Variants in TSPAN14 observed in about 807,000 individuals in gnomAD.
TSPAN14 encodes the protein tetraspanin-14.
TSPAN14 carries 16 observed loss-of-function variants against 36.6 expected under a neutral mutation model. The observed-to-expected ratio is 0.44, with a 90% CI of 0.30 to 0.66. The LOEUF (loss-of-function observed/expected upper bound fraction) is 0.66, where lower values mean the gene tolerates loss of function less well. Ranked by LOEUF, TSPAN14 falls within the 30% of genes least tolerant of loss-of-function variation. The pLI is 0.12. For synonymous variants in TSPAN14, 139 were observed against 143.8 expected, an observed-to-expected ratio of 0.97 and a Z score of 0.24; for missense variants, 231 against 355.1, an observed-to-expected ratio of 0.65 and a Z score of 2.81.
intron 5 of TSPAN14, among the ~76,000 whole-genome samples, chr10:80,510,163 A>G (rs954745272): frequency 1.1e-4 from 16 of 152,252 alleles, no homozygotes; most frequent in African/African-American, 3.4e-4. Context: ...TGTGCAATGC[A>G]AGGCTCTTGT....
intron 1 of TSPAN14, among the ~76,000 whole-genome samples, chr10:80,488,774 G>A (rs552777720): frequency 3.3e-5 from 5 of 152,330 alleles, no homozygotes; most frequent in African/African-American, 1.2e-4. Context: ...CTGGTGGGTG[G>A]AAAGAACGTG....
At chr10:80,479,233 T>G (rs1180191285) in intron 1 of TSPAN14, among the ~76,000 whole-genome samples, 1 of 151,354 alleles carries the variant, frequency 6.6e-6, no homozygotes, top group Non-Finnish European at 1.5e-5. Flanking sequence ...TTTCTCCCAT[T>G]TTGTAGGTTG....
At chr10:80,481,728 C>T (rs571693653) in intron 1 of TSPAN14, among the ~76,000 whole-genome samples, 8 of 152,280 alleles carry the variant, frequency 5.3e-5, no homozygotes, top group African/African-American at 1.9e-4. Context: ...TGGGTTCAAG[C>T]GATTCTCCTG....
chr10:80,467,248 G>C (rs1470800824), intron 1 of TSPAN14, among the ~76,000 whole-genome samples: 4 of 152,174 alleles, frequency 2.6e-5, no homozygotes, highest in Non-Finnish European at 5.9e-5. Context: ...GTGGCCAAGA[G>C]CTGTTTTTCA....
exon 9 of TSPAN14, chr10:80,520,726 T>G (rs1257860024): frequency 1.9e-6 from 1 of 533,478 alleles, no homozygotes; most frequent in South Asian, 1.4e-5. Flanking sequence ...GCTTCTTATC[T>G]GGGCTGTCTG....
At chr10:80,520,679 C>G (rs550170386) in exon 9 of TSPAN14, 1 of 533,448 alleles carries the variant, frequency 1.9e-6, no homozygotes, top group South Asian at 1.4e-5. Context: ...AAAAACTTGC[C>G]GAGGCCCTAT....
intron 1 of TSPAN14, among the ~76,000 whole-genome samples, chr10:80,463,507 CT>C (rs1291147138): frequency 1.3e-5 from 2 of 152,196 alleles, no homozygotes; most frequent in African/African-American, 4.8e-5. Context: ...CTGTTTTGCA[CT>C]TCCTGATTTT....
At chr10:80,487,126 G>A (rs780807236) in intron 1 of TSPAN14, among the ~76,000 whole-genome samples, 1 of 152,206 alleles carries the variant, frequency 6.6e-6, no homozygotes, top group African/African-American at 2.4e-5. Context: ...AAACAAGCTG[G>A]TGAATGCTAG....
chr10:80,516,618 A>C (rs906967472), intron 8 of TSPAN14, among the ~76,000 whole-genome samples: 3 of 152,150 alleles, frequency 2.0e-5, no homozygotes, highest in Non-Finnish European at 4.4e-5. Flanking sequence ...CAGAGGGCCC[A>C]ATGGGCTGCA....
At chr10:80,462,348 A>ATGGGG (rs1554855996) in intron 1 of TSPAN14, among the ~76,000 whole-genome samples, 6,937 of 85,438 alleles carry the variant, frequency 0.081, 773 homozygotes, top group African/African-American at 0.28. Context: ...GGGCGTAGGA[A>ATGGGG]TGGGGTGGGA....
At chr10:80,513,918 G>A in intron 6 of TSPAN14, 101 bp from the exon 7 acceptor site, 1 of 976,752 alleles carries the variant, frequency 1.0e-6, no homozygotes, top group Non-Finnish European at 1.6e-6. Flanking sequence ...AATGGAATTT[G>A]CACAAATGTT....
chr10:80,454,944 G>A (rs972880489), intron 1 of TSPAN14, among the ~76,000 whole-genome samples: 1 of 152,224 alleles, frequency 6.6e-6, no homozygotes, highest in Non-Finnish European at 1.5e-5. Flanking sequence ...ACTCTGCCCG[G>A]CTTGGGTTTG....
chr10:80,513,186 G>T (rs912415794), intron 6 of TSPAN14, among the ~76,000 whole-genome samples: 1 of 152,110 alleles, frequency 6.6e-6, no homozygotes, highest in African/African-American at 2.4e-5. Context: ...GGTGTGGGCC[G>T]CTGTGCCTGT....
Position 80,479,112 on chromosome 10 carries a change from G to A in TSPAN14, c.-17-10105G>A, listed in dbSNP as rs1204461812. ...CTTCTTTTGAGAAGTGTCTGTTCAT[G>A]TCCTTGGCCCACTTTTTGATGGGGT... On this transcript the variant is annotated intron_variant, in intron 1 of 8. Transcript: ENST00000429989. Among the ~76,000 whole-genome samples the A allele has an allele frequency of 2.2e-4, 33 of 152,172 alleles. 1 individual carries two copies. Among genetic ancestry groups the A allele is most frequent in the Admixed American group, 2.2e-3 (33 of 15,270 alleles).
At chr10:80,481,702 C>T (rs761307733) in intron 1 of TSPAN14, among the ~76,000 whole-genome samples, 1 of 152,156 alleles carries the variant, frequency 6.6e-6, no homozygotes, top group Non-Finnish European at 1.5e-5. Context: ...CTCGGCTCAC[C>T]GTAACCTCCG....
chr10:80,512,308 T>G, intron 6 of TSPAN14, 39 bp downstream of exon 6: 1 of 1,610,282 alleles, frequency 6.2e-7, no homozygotes, highest in Non-Finnish European at 8.5e-7. Flanking sequence ...AGCCCGCCCT[T>G]CCTGAAGCCC....
At chr10:80,475,202 G>A (rs948116493) in intron 1 of TSPAN14, among the ~76,000 whole-genome samples, 4 of 152,216 alleles carry the variant, frequency 2.6e-5, no homozygotes, top group Non-Finnish European at 5.9e-5. Flanking sequence ...TCTTAAGGGA[G>A]TGTCAGTGTT....
chr10:80,473,994 C>T (rs1026199078), intron 1 of TSPAN14, among the ~76,000 whole-genome samples: 6 of 152,116 alleles, frequency 3.9e-5, no homozygotes, highest in Admixed American at 3.9e-4. Flanking sequence ...TCGCCTGCCC[C>T]CTCCTAGGCT....
At chr10:80,493,945 C>A (rs7900536) in intron 2 of TSPAN14, among the ~76,000 whole-genome samples, 129,770 of 152,220 alleles carry the variant, frequency 0.85, 55,680 homozygotes, top group East Asian at 0.98. Flanking sequence ...GGGATGATTC[C>A]GATAATGTCT....
Sources: gnomAD v4.1 joint callset for allele counts (sites outside exome capture counted in the v4.1 genomes callset) on GRCh38, gnomAD v4.1.1 for gene constraint, MANE v1.5 for transcripts, NCBI Gene and HGNC (gene_info 2026-07-23, HGNC 2026-07-21) for gene names.